Variants in ABTB3 observed in about 807,000 individuals in gnomAD.
ABTB3 encodes the protein ankyrin repeat and BTB domain containing 3.
the ABTB3 span, among the ~76,000 whole-genome samples, chr12:107,445,169 T>C: frequency 6.6e-6 from 1 of 152,228 alleles, no homozygotes; most frequent in Non-Finnish European, 1.5e-5. Context: ...ATTGTCATCA[T>C]GTGTCAAGTC....
chr12:107,550,872 C>T, the ABTB3 span, among the ~76,000 whole-genome samples: 2 of 151,960 alleles, frequency 1.3e-5, no homozygotes, highest in South Asian at 2.1e-4. Context: ...TGTGAGCCAC[C>T]GCACCCAGCC....
the ABTB3 span, among the ~76,000 whole-genome samples, chr12:107,343,110 G>A: frequency 1.3e-5 from 2 of 152,060 alleles, no homozygotes; most frequent in African/African-American, 2.4e-5. Flanking sequence ...GACCCCCCAG[G>A]CCTAAGGGAT....
chr12:107,529,286 G>GATT, the ABTB3 span, among the ~76,000 whole-genome samples: 1 of 151,908 alleles, frequency 6.6e-6, no homozygotes, highest in East Asian at 1.9e-4. Context: ...TGATGGTGAT[G>GATT]ATGATGGTGA....
At chr12:107,454,320 A>G in the ABTB3 span, among the ~76,000 whole-genome samples, 1 of 152,248 alleles carries the variant, frequency 6.6e-6, no homozygotes, top group Admixed American at 6.5e-5. Flanking sequence ...AAAATCATTA[A>G]GGAATGTAAG....
At chr12:107,334,104 C>G in the ABTB3 span, among the ~76,000 whole-genome samples, 1 of 152,186 alleles carries the variant, frequency 6.6e-6, no homozygotes, top group East Asian at 1.9e-4. Flanking sequence ...ACAGGGTCAC[C>G]GTAAGCCAGG....
chr12:107,482,426 G>A, the ABTB3 span, among the ~76,000 whole-genome samples: 2 of 152,120 alleles, frequency 1.3e-5, no homozygotes, highest in Admixed American at 1.3e-4. Context: ...CTTCATGGCC[G>A]GGATTTGGGG....
chr12:107,533,283 C>A, the ABTB3 span, among the ~76,000 whole-genome samples: 8 of 152,082 alleles, frequency 5.3e-5, no homozygotes, highest in African/African-American at 1.9e-4. Flanking sequence ...TCAATAACAA[C>A]CTTGAATGTA....
the ABTB3 span, among the ~76,000 whole-genome samples, chr12:107,613,687 G>A: frequency 6.6e-6 from 1 of 152,088 alleles, no homozygotes; most frequent in Non-Finnish European, 1.5e-5. Context: ...CTCGTCATAG[G>A]TGAAATATCA....
At chr12:107,402,355 C>T in the ABTB3 span, among the ~76,000 whole-genome samples, 1 of 152,190 alleles carries the variant, frequency 6.6e-6, no homozygotes, top group African/African-American at 2.4e-5. Flanking sequence ...GGCCCAGATT[C>T]CAAATCTGGC....
chr12:107,464,593 G>T, the ABTB3 span, among the ~76,000 whole-genome samples: 2 of 152,144 alleles, frequency 1.3e-5, no homozygotes, highest in Non-Finnish European at 2.9e-5. Flanking sequence ...TTACAGGTGT[G>T]AGCCACTGGG....
At chr12:107,613,228 T>G in the ABTB3 span, among the ~76,000 whole-genome samples, 2 of 152,292 alleles carry the variant, frequency 1.3e-5, no homozygotes, top group South Asian at 4.1e-4. Flanking sequence ...GAAGGAGCAC[T>G]CCTGAGCCAT....
chr12:107,409,812 A>G, the ABTB3 span, among the ~76,000 whole-genome samples: 7 of 152,350 alleles, frequency 4.6e-5, no homozygotes, highest in African/African-American at 2.4e-5. Flanking sequence ...TTGTTTACCT[A>G]TGTAACAAAC....
At chr12:107,622,596 C>G in the ABTB3 span, among the ~76,000 whole-genome samples, 1 of 152,154 alleles carries the variant, frequency 6.6e-6, no homozygotes, top group Non-Finnish European at 1.5e-5. Flanking sequence ...ATTCTCGTGT[C>G]TCAGCCTCCC....
At chr12:107,529,109 G>C in the ABTB3 span, among the ~76,000 whole-genome samples, 3 of 150,838 alleles carry the variant, frequency 2.0e-5, no homozygotes, top group Non-Finnish European at 4.4e-5. Flanking sequence ...TGATGGTGAC[G>C]GTGATGATTA....
the ABTB3 span, chr12:107,640,423 A>G: frequency 6.6e-7 from 1 of 1,512,738 alleles, no homozygotes; most frequent in East Asian, 2.3e-5. Flanking sequence ...GGTACGTATC[A>G]TCGGTTTTGA....
the ABTB3 span, among the ~76,000 whole-genome samples, chr12:107,491,367 T>G: frequency 6.6e-6 from 1 of 152,192 alleles, no homozygotes; most frequent in African/African-American, 2.4e-5. Flanking sequence ...GCATTCATTC[T>G]TTCACTGGGA....
At chr12:107,329,652 T>C in the ABTB3 span, among the ~76,000 whole-genome samples, 17 of 152,254 alleles carry the variant, frequency 1.1e-4, no homozygotes, top group Non-Finnish European at 2.1e-4. Flanking sequence ...GCAAGTTACC[T>C]AACCTCTCTG....
chr12:107,572,961 C>A, the ABTB3 span, among the ~76,000 whole-genome samples: 1 of 152,170 alleles, frequency 6.6e-6, no homozygotes. Context: ...CAGTCACGTG[C>A]GTCTGGGCAC....
At chr12:107,431,558 G>A in the ABTB3 span, among the ~76,000 whole-genome samples, 4 of 152,222 alleles carry the variant, frequency 2.6e-5, no homozygotes, top group East Asian at 1.9e-4. Context: ...GCAGTGAGCC[G>A]AGATTGCACC....
Sources: gnomAD v4.1 joint callset for allele counts (sites outside exome capture counted in the v4.1 genomes callset) on GRCh38, gnomAD v4.1.1 for gene constraint, MANE v1.5 for transcripts, NCBI Gene and HGNC (gene_info 2026-07-23, HGNC 2026-07-21) for gene names.